DMD: variants seen among roughly 807,000 people sequenced by gnomAD.
The protein encoded by DMD is dystrophin, also known as mutant dystrophin.
A neutral mutation model predicts 330.1 loss-of-function variants in DMD; 63 were observed. That is an observed-to-expected ratio of 0.19 (90% CI 0.16 to 0.24). The LOEUF (loss-of-function observed/expected upper bound fraction) is 0.24, where lower values mean the gene tolerates loss of function less well. Ranked by LOEUF, DMD falls within the 10% of genes least tolerant of loss-of-function variation. DMD has a pLI of 1.00. For missense variants in DMD, 3,344 were observed against 2,684.1 expected, an observed-to-expected ratio of 1.25 and a Z score of -5.43; for synonymous variants, 1,223 against 959.8, an observed-to-expected ratio of 1.27 and a Z score of -5.07.
intron 2 of DMD, among the ~76,000 whole-genome samples, chrX:32,885,848 A>AAC (rs2084505457): frequency 9.2e-6 from 1 of 108,144 alleles, no homozygotes; most frequent in Admixed American, 9.8e-5. Flanking sequence ...AAAAAAAAAA[A>AAC]ACCTTTCCTT....
chrX:32,028,193 C>T (rs1276252697), intron 44 of DMD, among the ~76,000 whole-genome samples: 1 of 111,104 alleles, frequency 9.0e-6, no homozygotes, highest in Non-Finnish European at 1.9e-5. Flanking sequence ...GTGCCTTACT[C>T]GAGTATGGTG....
At chrX:32,101,877 C>T (rs2096541509) in intron 44 of DMD, among the ~76,000 whole-genome samples, 1 of 110,949 alleles carries the variant, frequency 9.0e-6, no homozygotes, top group Non-Finnish European at 1.9e-5. Context: ...AGGGCTCTGC[C>T]CTTATGAATG....
At chrX:33,081,584 C>T (rs1031502753) in intron 1 of DMD, among the ~76,000 whole-genome samples, 61 of 112,267 alleles carry the variant, frequency 5.4e-4, no homozygotes, top group African/African-American at 1.9e-3. Context: ...CCACGGCACC[C>T]GGCCATACCC....
At chrX:31,688,332 T>C (rs1017043402) in intron 52 of DMD, among the ~76,000 whole-genome samples, 1 of 109,183 alleles carries the variant, frequency 9.2e-6, no homozygotes, top group African/African-American at 3.3e-5. Flanking sequence ...CAGAGAATAC[T>C]ATAAACACCT....
chrX:31,341,879 G>A (rs759639542), intron 61 of DMD, among the ~76,000 whole-genome samples: 140 of 64,270 alleles, frequency 2.2e-3, no homozygotes, highest in African/African-American at 9.8e-3. Flanking sequence ...GTGCGCGCGT[G>A]CGTGCGCGCG....
At chrX:33,178,717 T>C in intron 1 of DMD, among the ~76,000 whole-genome samples, 1 of 112,728 alleles carries the variant, frequency 8.9e-6, no homozygotes, top group South Asian at 3.7e-4. Context: ...GAAAATTAAA[T>C]TGGACTGCTC....
intron 44 of DMD, among the ~76,000 whole-genome samples, chrX:32,182,987 A>T (rs1021073137): frequency 9.0e-6 from 1 of 111,234 alleles, no homozygotes; most frequent in Non-Finnish European, 1.9e-5. Context: ...AAACATTCAC[A>T]TATCTTTGAA....
At chrX:31,547,249 T>G (rs994137672) in intron 55 of DMD, among the ~76,000 whole-genome samples, 3 of 112,109 alleles carry the variant, frequency 2.7e-5, no homozygotes. Context: ...AGTCTACAAT[T>G]TCATATACAC....
At chrX:32,612,559 G>T (rs2057258092) in intron 12 of DMD, among the ~76,000 whole-genome samples, 1 of 111,500 alleles carries the variant, frequency 9.0e-6, no homozygotes, top group African/African-American at 3.3e-5. Context: ...GGACACCCCT[G>T]GTTTATATAG....
intron 50 of DMD, among the ~76,000 whole-genome samples, chrX:31,788,109 C>T: frequency 8.9e-6 from 1 of 112,137 alleles, no homozygotes; most frequent in Admixed American, 9.5e-5. Context: ...TTTTGATGCA[C>T]ATACTTCCTA....
At chrX:32,549,089 C>A (rs1294798779) in intron 16 of DMD, among the ~76,000 whole-genome samples, 1 of 111,320 alleles carries the variant, frequency 9.0e-6, no homozygotes, top group Non-Finnish European at 1.9e-5. Context: ...AAGTTAATTT[C>A]CCTAGTAAAA....
chrX:31,959,818 G>A (rs376931000), intron 45 of DMD, among the ~76,000 whole-genome samples: 70 of 97,673 alleles, frequency 7.2e-4, no homozygotes, highest in African/African-American at 2.6e-3. Context: ...AGGCTGGAGT[G>A]CAATGGCATG....
At chrX:32,285,034 A>G (rs1360325335) in intron 43 of DMD, among the ~76,000 whole-genome samples, 1 of 112,491 alleles carries the variant, frequency 8.9e-6, no homozygotes, top group Non-Finnish European at 1.9e-5. Context: ...GGAAATGTCC[A>G]TATGACCCAG....
chrX:31,177,182 A>G (rs1036020796), intron 71 of DMD, among the ~76,000 whole-genome samples: 4 of 111,375 alleles, frequency 3.6e-5, no homozygotes, highest in Admixed American at 9.6e-5. Context: ...GGCCCCAAAA[A>G]AGAGTTTTCT....
intron 9 of DMD, among the ~76,000 whole-genome samples, chrX:32,651,325 T>C (rs2060138561): frequency 9.1e-6 from 1 of 109,994 alleles, no homozygotes; most frequent in African/African-American, 3.3e-5. Flanking sequence ...ATATTTTTAA[T>C]AGAGACAGGG....
chrX:33,219,474 A>T (rs2052128458), intron 1 of DMD, among the ~76,000 whole-genome samples: 1 of 109,278 alleles, frequency 9.2e-6, no homozygotes, highest in African/African-American at 3.3e-5. Flanking sequence ...TGGACAAAAA[A>T]AAAAAAAGAG....
intron 1 of DMD, among the ~76,000 whole-genome samples, chrX:33,331,603 T>G (rs1038983126): frequency 9.0e-6 from 1 of 111,530 alleles, no homozygotes; most frequent in African/African-American, 3.3e-5. Flanking sequence ...GTCTTCAAAT[T>G]GCAACATAAT....
intron 74 of DMD, among the ~76,000 whole-genome samples, chrX:31,166,506 A>T (rs1394702015): frequency 1.8e-5 from 2 of 111,896 alleles, no homozygotes; most frequent in Non-Finnish European, 3.8e-5. Flanking sequence ...ATTTTCTCTA[A>T]AAGTATGCTC....
At chrX:31,243,871 G>A (rs1238863523) in intron 63 of DMD, among the ~76,000 whole-genome samples, 1 of 112,189 alleles carries the variant, frequency 8.9e-6, no homozygotes, top group Non-Finnish European at 1.9e-5. Flanking sequence ...GTCTTACGTG[G>A]AACAGTAGAA....
Sources: gnomAD v4.1 joint callset for allele counts (sites outside exome capture counted in the v4.1 genomes callset) on GRCh38, gnomAD v4.1.1 for gene constraint, MANE v1.5 for transcripts, NCBI Gene and HGNC (gene_info 2026-07-23, HGNC 2026-07-21) for gene names.